Variants in STIM2 observed in about 807,000 individuals in gnomAD.
The protein encoded by STIM2 is stromal interaction molecule 2.
Under a neutral mutation model 85.8 loss-of-function variants are expected in STIM2, and 31 were observed. The observed-to-expected ratio is 0.36, with a 90% CI of 0.27 to 0.49. The LOEUF is 0.49. STIM2 is among the 20% of genes least tolerant of loss of function. The probability of loss-of-function intolerance (pLI) is 0.98; values close to 1 mark genes in which losing one functional copy is unlikely to be tolerated. For synonymous variants in STIM2, 356 were observed against 331.1 expected, an observed-to-expected ratio of 1.08 and a Z score of -0.82; for missense variants, 841 against 927.6, an observed-to-expected ratio of 0.91 and a Z score of 1.21.
chr4:27,002,712 C>T (rs904921228), intron 6 of STIM2, among the ~76,000 whole-genome samples: 22 of 152,142 alleles, frequency 1.4e-4, no homozygotes, highest in African/African-American at 5.1e-4. Context: ...AAGAGTATTT[C>T]CCTGCTTTCC....
intron 3 of STIM2, among the ~76,000 whole-genome samples, chr4:26,958,993 A>C (rs1411135287): frequency 6.6e-6 from 1 of 152,158 alleles, no homozygotes; most frequent in African/African-American, 2.4e-5. Flanking sequence ...TAGGTCTTGT[A>C]CTACCTTTGT....
At chr4:26,917,917 AACTT>A (rs1724645693) in intron 1 of STIM2, among the ~76,000 whole-genome samples, 1 of 152,098 alleles carries the variant, frequency 6.6e-6, no homozygotes, top group Non-Finnish European at 1.5e-5. Context: ...AATAAATCCA[AACTT>A]ACGGGCACAT....
chr4:26,937,886 G>T (rs994008233), intron 2 of STIM2, among the ~76,000 whole-genome samples: 4 of 152,120 alleles, frequency 2.6e-5, no homozygotes, highest in African/African-American at 9.7e-5. Flanking sequence ...TGGTTTATCA[G>T]TCTGAGTCTT....
chr4:26,974,229 T>C (rs1727091973), intron 3 of STIM2, among the ~76,000 whole-genome samples: 1 of 152,220 alleles, frequency 6.6e-6, no homozygotes, highest in Non-Finnish European at 1.5e-5. Context: ...ATTTAGCCCT[T>C]TTATATTTAA....
intron 1 of STIM2, among the ~76,000 whole-genome samples, chr4:26,906,415 A>G (rs1435235314): frequency 6.6e-6 from 1 of 151,228 alleles, no homozygotes; most frequent in Non-Finnish European, 1.5e-5. Flanking sequence ...TGATGTATCC[A>G]TGAACCCAAA....
chr4:26,885,419 C>T (rs1425667346), intron 1 of STIM2, among the ~76,000 whole-genome samples: 1 of 152,026 alleles, frequency 6.6e-6, no homozygotes, highest in African/African-American at 2.4e-5. Flanking sequence ...ACTTTAATAC[C>T]ATAGATTTGC....
At chr4:26,958,175 A>G (rs28445792) in intron 3 of STIM2, among the ~76,000 whole-genome samples, 1,709 of 152,214 alleles carry the variant, frequency 0.011, 31 homozygotes, top group African/African-American at 0.039. Context: ...ATAAAATTGG[A>G]TAATTGGTAT....
intron 11 of STIM2, chr4:27,021,326 C>T (rs1203580394): frequency 2.4e-6 from 1 of 412,508 alleles, no homozygotes; most frequent in African/African-American, 2.0e-5. Context: ...CAAACAAAGA[C>T]AGGTAAAAGG....
chr4:26,977,636 A>G (rs891916870), intron 3 of STIM2, among the ~76,000 whole-genome samples: 8 of 152,184 alleles, frequency 5.3e-5, no homozygotes, highest in African/African-American at 1.7e-4. Flanking sequence ...AATTGAATTC[A>G]GGTTACTAGT....
intron 2 of STIM2, among the ~76,000 whole-genome samples, chr4:26,944,497 C>T (rs1725739778): frequency 6.6e-6 from 1 of 152,050 alleles, no homozygotes; most frequent in Non-Finnish European, 1.5e-5. Context: ...ATAATAGATA[C>T]TCAGTAAATA....
intron 1 of STIM2, among the ~76,000 whole-genome samples, chr4:26,863,907 C>T (rs921694895): frequency 6.6e-6 from 1 of 152,072 alleles, no homozygotes. Context: ...ATTTTTAATA[C>T]TTACCTTTAG....
At chr4:26,866,456 T>A (rs960859145) in intron 1 of STIM2, among the ~76,000 whole-genome samples, 5 of 152,044 alleles carry the variant, frequency 3.3e-5, no homozygotes, top group Non-Finnish European at 7.4e-5. Context: ...TGTTAGAGAG[T>A]ATTACCTGGA....
intron 3 of STIM2, among the ~76,000 whole-genome samples, chr4:26,993,411 G>A (rs1192114531): frequency 6.6e-6 from 1 of 152,004 alleles, no homozygotes; most frequent in African/African-American, 2.4e-5. Flanking sequence ...AGTTTTAAAT[G>A]TTTTTGGTTT....
intron 1 of STIM2, among the ~76,000 whole-genome samples, chr4:26,866,474 A>C (rs1722413179): frequency 6.6e-6 from 1 of 152,204 alleles, no homozygotes; most frequent in Non-Finnish European, 1.5e-5. Flanking sequence ...GGAGGAGGGC[A>C]GGATTTGAGC....
intron 3 of STIM2, among the ~76,000 whole-genome samples, 195 bp downstream of exon 3, chr4:26,957,921 A>G (rs541055270): frequency 6.6e-6 from 1 of 152,340 alleles, no homozygotes; most frequent in East Asian, 1.9e-4. Flanking sequence ...GTCATTAAGC[A>G]TCAGGCTGTT....
chr4:26,931,023 G>A (rs1420551152), intron 2 of STIM2, among the ~76,000 whole-genome samples: 1 of 152,050 alleles, frequency 6.6e-6, no homozygotes, highest in African/African-American at 2.4e-5. Flanking sequence ...GATTAGGGGA[G>A]GATCCACTTA....
chr4:27,005,073 T>A (rs1216894728), intron 7 of STIM2, among the ~76,000 whole-genome samples: 2 of 152,222 alleles, frequency 1.3e-5, no homozygotes, highest in African/African-American at 4.8e-5. Context: ...ATTAAAAGCT[T>A]TGCTTGTAGA....
At chr4:26,943,877 G>C (rs1725714467) in intron 2 of STIM2, among the ~76,000 whole-genome samples, 1 of 152,030 alleles carries the variant, frequency 6.6e-6, no homozygotes, top group African/African-American at 2.4e-5. Flanking sequence ...AACAATACCA[G>C]CATAACTAGT....
chr4:27,002,237 A>G lies in STIM2; in HGVS notation c.646A>G (p.Lys216Glu), dbSNP rs781028780. 1.2e-5 allele frequency: 19 copies of G among 1,609,926 alleles called. No homozygotes were observed. In the South Asian group the frequency reaches 2.0e-4, roughly 17 times the overall value. ...AATAGGCCCACCTCATAACTGGATG[A>G]AAGATTTTATCCTCACAGTTTCTAT... The change falls in exon 6 of 12, where the codon AAA (lysine) becomes GAA (glutamate). Residue 216 changes from lysine (K) to glutamate (E), a missense_variant. Physicochemically the swap from Lys to Glu is moderately conservative, Grantham distance 56. Transcript: ENST00000467087.
Sources: allele counts gnomAD v4.1 joint callset (sites outside exome capture counted in the v4.1 genomes callset), GRCh38; gene constraint gnomAD v4.1.1; transcripts MANE v1.5; gene names NCBI Gene and HGNC (gene_info 2026-07-23, HGNC 2026-07-21).